CDKAL1: variants seen among roughly 807,000 people sequenced by gnomAD.
The protein encoded by CDKAL1 is CDKAL1 threonylcarbamoyladenosine tRNA methylthiotransferase.
A neutral mutation model predicts 68.2 loss-of-function variants in CDKAL1; 32 were observed. That is an observed-to-expected ratio of 0.47 (90% CI 0.35 to 0.63). CDKAL1 has a LOEUF of 0.63. Among genes scored for constraint, CDKAL1 ranks in the 30% least tolerant of loss-of-function variants. CDKAL1 has a pLI of 0.00. For missense variants in CDKAL1, 606 were observed against 696.7 expected, an observed-to-expected ratio of 0.87 and a Z score of 1.47; for synonymous variants, 234 against 244.3, an observed-to-expected ratio of 0.96 and a Z score of 0.39.
chr6:20,544,465 G>A (rs1049741586), intron 2 of CDKAL1, among the ~76,000 whole-genome samples: 26 of 151,524 alleles, frequency 1.7e-4, no homozygotes, highest in South Asian at 1.7e-3. Context: ...GCATGGTGGC[G>A]CGCGCCTGTA....
At chr6:21,065,357 T>C in intron 12 of CDKAL1, 129 bp downstream of exon 12, 1 of 750,780 alleles carries the variant, frequency 1.3e-6, no homozygotes, top group South Asian at 2.0e-5. Flanking sequence ...GATTTCCAAG[T>C]TGGGGTCAGG....
intron 11 of CDKAL1, among the ~76,000 whole-genome samples, chr6:21,063,610 T>C (rs1409020334): frequency 6.6e-6 from 1 of 152,212 alleles, no homozygotes; most frequent in Non-Finnish European, 1.5e-5. Context: ...CAAAAACCTT[T>C]AATTGACATC....
intron 8 of CDKAL1, among the ~76,000 whole-genome samples, chr6:20,829,044 A>G (rs1318104936): frequency 1.3e-5 from 2 of 152,184 alleles, no homozygotes; most frequent in Admixed American, 6.5e-5. Context: ...ATAAGATTCC[A>G]TTGTACATAT....
At chr6:21,142,314 G>GAAA (rs71540615) in intron 13 of CDKAL1, among the ~76,000 whole-genome samples, 5 of 136,492 alleles carry the variant, frequency 3.7e-5, no homozygotes, top group Admixed American at 7.4e-5. Context: ...GCTGCCATAT[G>GAAA]AAAAAAAAAA....
At chr6:21,000,057 C>T (rs1376618204) in intron 10 of CDKAL1, among the ~76,000 whole-genome samples, 170 bp from the exon 11 acceptor site, 2 of 152,174 alleles carry the variant, frequency 1.3e-5, no homozygotes, top group Non-Finnish European at 2.9e-5. Flanking sequence ...ATATTGAATT[C>T]CCAAATCTCA....
chr6:21,193,557 G>C (rs1469946697), intron 13 of CDKAL1, among the ~76,000 whole-genome samples: 1 of 152,054 alleles, frequency 6.6e-6, no homozygotes, highest in Non-Finnish European at 1.5e-5. Context: ...GAAAGTGAAG[G>C]CCCAAAACAT....
At chr6:20,600,100 G>A (rs1201291082) in intron 4 of CDKAL1, among the ~76,000 whole-genome samples, 1 of 152,096 alleles carries the variant, frequency 6.6e-6, no homozygotes, top group East Asian at 1.9e-4. Context: ...AATTCTGAAA[G>A]AAAATATATT....
intron 8 of CDKAL1, among the ~76,000 whole-genome samples, chr6:20,828,154 G>A (rs1398958972): frequency 6.6e-6 from 1 of 152,078 alleles, no homozygotes; most frequent in African/African-American, 2.4e-5. Flanking sequence ...ATTTAAGCAT[G>A]GGATTTAGTT....
intron 12 of CDKAL1, among the ~76,000 whole-genome samples, chr6:21,105,431 A>G (rs1438774249): frequency 6.6e-6 from 1 of 152,204 alleles, no homozygotes; most frequent in African/African-American, 2.4e-5. Context: ...AACAAGGCCA[A>G]GTGATTTGAA....
intron 9 of CDKAL1, among the ~76,000 whole-genome samples, chr6:20,897,375 A>C (rs1203376689): frequency 3.3e-5 from 5 of 152,236 alleles, no homozygotes; most frequent in African/African-American, 9.6e-5. Context: ...GCAGGCTCAG[A>C]TGAAGAAGTG....
intron 9 of CDKAL1, among the ~76,000 whole-genome samples, chr6:20,850,340 T>A (rs1047425875): frequency 1.3e-4 from 20 of 152,224 alleles, no homozygotes; most frequent in African/African-American, 4.1e-4. Context: ...ATGATTTTTT[T>A]AAACTCTATA....
intron 13 of CDKAL1, among the ~76,000 whole-genome samples, chr6:21,122,891 C>T (rs1329462345): frequency 4.6e-5 from 7 of 150,960 alleles, no homozygotes; most frequent in Admixed American, 1.3e-4. Flanking sequence ...GCGATCCTCC[C>T]ACCTTGGCCC....
intron 4 of CDKAL1, among the ~76,000 whole-genome samples, chr6:20,633,531 T>G (rs1158422838): frequency 6.6e-6 from 1 of 152,228 alleles, no homozygotes; most frequent in African/African-American, 2.4e-5. Context: ...ACGTTTTCAT[T>G]TTTCTGGGGT....
At chr6:20,576,842 G>T (rs899102720) in intron 4 of CDKAL1, among the ~76,000 whole-genome samples, 1 of 152,178 alleles carries the variant, frequency 6.6e-6, no homozygotes, top group Admixed American at 6.5e-5. Context: ...TTTGTTGAGA[G>T]AACAGTGGTC....
intron 8 of CDKAL1, among the ~76,000 whole-genome samples, chr6:20,820,791 G>A (rs1240388185): frequency 6.6e-6 from 1 of 152,092 alleles, no homozygotes; most frequent in East Asian, 1.9e-4. Context: ...CACTGTTTGA[G>A]GTGTTAGGGA....
intron 5 of CDKAL1, among the ~76,000 whole-genome samples, chr6:20,677,993 T>G (rs1362657957): frequency 2.6e-5 from 4 of 152,190 alleles, no homozygotes; most frequent in Non-Finnish European, 2.9e-5. Context: ...TATTTGTGAT[T>G]TATCATTTTG....
intron 13 of CDKAL1, among the ~76,000 whole-genome samples, chr6:21,185,191 C>T (rs1307995423): frequency 1.3e-5 from 2 of 149,686 alleles, no homozygotes; most frequent in East Asian, 2.0e-4. Context: ...TTTAAGTAGA[C>T]GATGTACTAT....
At chr6:20,718,003 T>C (rs1170399158) in intron 5 of CDKAL1, among the ~76,000 whole-genome samples, 1 of 152,194 alleles carries the variant, frequency 6.6e-6, no homozygotes, top group Non-Finnish European at 1.5e-5. Context: ...TGTCCCAGGC[T>C]TGTGAAATCC....
At chr6:21,226,864 C>T (rs1183973753) in intron 15 of CDKAL1, among the ~76,000 whole-genome samples, 1 of 152,196 alleles carries the variant, frequency 6.6e-6, no homozygotes. Context: ...AGGCTCCCGC[C>T]ACCACGCCTG....
Sources: allele counts gnomAD v4.1 joint callset (sites outside exome capture counted in the v4.1 genomes callset), GRCh38; gene constraint gnomAD v4.1.1; transcripts MANE v1.5; gene names NCBI Gene and HGNC (gene_info 2026-07-23, HGNC 2026-07-21).